The following PAPSS2 variants were observed in gnomAD, a reference collection of about 807,000 sequenced individuals.
PAPSS2 encodes the protein bifunctional 3'-phosphoadenosine 5'-phosphosulfate synthase 2.
In PAPSS2, 61 loss-of-function variants were observed where a neutral mutation model predicts 66.5. That is an observed-to-expected ratio of 0.92 (90% CI 0.75 to 1.14). The LOEUF is 1.14. Ranked by LOEUF, PAPSS2 falls within the 50% of genes most tolerant of loss-of-function variation. The pLI is 0.00. For missense variants in PAPSS2, 708 were observed against 789.6 expected, an observed-to-expected ratio of 0.90 and a Z score of 1.24; for synonymous variants, 289 against 287.5, an observed-to-expected ratio of 1.01 and a Z score of -0.05.
chr10:87,660,141 C>A, intron 1 of PAPSS2, 133 bp downstream of exon 1: 1 of 892,460 alleles, frequency 1.1e-6, no homozygotes, highest in Non-Finnish European at 1.8e-6. Context: ...GAGTGGGGCA[C>A]GGAGGGAAGC....
chr10:87,735,524 A>G (rs572093202), intron 9 of PAPSS2, among the ~76,000 whole-genome samples: 1 of 152,330 alleles, frequency 6.6e-6, no homozygotes, highest in East Asian at 1.9e-4. Context: ...AAGTAGATGT[A>G]TAGGTATGGA....
chr10:87,661,626 C>G (rs898056581), intron 1 of PAPSS2, among the ~76,000 whole-genome samples: 1 of 152,012 alleles, frequency 6.6e-6, no homozygotes, highest in Non-Finnish European at 1.5e-5. Flanking sequence ...TGCCTCCAGT[C>G]GGCAGGAGCC....
chr10:87,714,704 G>A (rs760741511), intron 4 of PAPSS2, 41 bp from the exon 5 acceptor site: 18 of 1,098,484 alleles, frequency 1.6e-5, no homozygotes, highest in Non-Finnish European at 2.1e-5. Flanking sequence ...AGATTATTCT[G>A]TCAATACAGA....
At chr10:87,716,251 A>G (rs1391638812) in intron 7 of PAPSS2, among the ~76,000 whole-genome samples, 1 of 152,166 alleles carries the variant, frequency 6.6e-6, no homozygotes, top group Non-Finnish European at 1.5e-5. Flanking sequence ...CAGGTTGCTC[A>G]TGTCAAGCAT....
intron 1 of PAPSS2, among the ~76,000 whole-genome samples, chr10:87,690,814 G>A (rs1375071321): frequency 6.6e-6 from 1 of 152,174 alleles, no homozygotes; most frequent in Non-Finnish European, 1.5e-5. Context: ...TAACAGTTCA[G>A]TAAGGCTGCA....
chr10:87,730,703 C>T (rs1264874236), intron 9 of PAPSS2, among the ~76,000 whole-genome samples: 1 of 152,156 alleles, frequency 6.6e-6, no homozygotes, highest in Non-Finnish European at 1.5e-5. Context: ...GTTTCCTTAA[C>T]AGATATGGAG....
chr10:87,713,435 G>C, intron 3 of PAPSS2, 125 bp downstream of exon 3: 1 of 663,576 alleles, frequency 1.5e-6, no homozygotes, highest in Non-Finnish European at 2.6e-6. Flanking sequence ...TCAATTTCCC[G>C]ACTATTTCTT....
intron 1 of PAPSS2, among the ~76,000 whole-genome samples, chr10:87,674,093 A>T (rs1157440250): frequency 6.6e-6 from 1 of 152,144 alleles, no homozygotes; most frequent in African/African-American, 2.4e-5. Flanking sequence ...TTCAAGACTG[A>T]TAAAGACAGA....
At chr10:87,699,423 T>C (rs1187162517) in intron 1 of PAPSS2, among the ~76,000 whole-genome samples, 1 of 152,212 alleles carries the variant, frequency 6.6e-6, no homozygotes, top group African/African-American at 2.4e-5. Context: ...GCTGGGATTA[T>C]AGGCATGAGT....
chr10:87,709,438 A>G (rs1237916568), intron 2 of PAPSS2, 125 bp downstream of exon 2: 1 of 622,780 alleles, frequency 1.6e-6, no homozygotes, highest in East Asian at 3.0e-5. Context: ...TGGGAGATGT[A>G]GTAGAAAGCC....
intron 1 of PAPSS2, among the ~76,000 whole-genome samples, chr10:87,667,203 C>T (rs1234184488): frequency 6.6e-6 from 1 of 152,156 alleles, no homozygotes; most frequent in Admixed American, 6.5e-5. Flanking sequence ...CCTGTAATCC[C>T]AGCACTTTGA....
chr10:87,742,005 G>A (rs1372175766), intron 10 of PAPSS2, among the ~76,000 whole-genome samples: 1 of 150,956 alleles, frequency 6.6e-6, no homozygotes, highest in Non-Finnish European at 1.5e-5. Flanking sequence ...CAATCTCCCC[G>A]CCTCAGCCTC....
At chr10:87,733,131 C>T (rs973419025) in intron 9 of PAPSS2, among the ~76,000 whole-genome samples, 4 of 152,184 alleles carry the variant, frequency 2.6e-5, no homozygotes, top group South Asian at 2.1e-4. Context: ...ATTACTTCTG[C>T]GGGAATCCTG....
intron 1 of PAPSS2, among the ~76,000 whole-genome samples, chr10:87,704,704 C>T (rs2131926532): frequency 6.6e-6 from 1 of 152,306 alleles, no homozygotes; most frequent in South Asian, 2.1e-4. Flanking sequence ...TGCAGTCACA[C>T]AGTCTTGGCT....
chr10:87,664,436 C>T (rs747411683), intron 1 of PAPSS2, among the ~76,000 whole-genome samples: 17 of 152,218 alleles, frequency 1.1e-4, no homozygotes, highest in Non-Finnish European at 2.2e-4. Context: ...GTGCCTTCAA[C>T]TATTCCTATG....
chr10:87,684,375 G>A (rs773077620), intron 1 of PAPSS2, among the ~76,000 whole-genome samples: 1 of 152,240 alleles, frequency 6.6e-6, no homozygotes, highest in Non-Finnish European at 1.5e-5. Flanking sequence ...GCAAAGGTAA[G>A]CTATATTTCT....
chr10:87,706,096 ATATATATATATATGTGTGTGTG>A (rs1453501030), intron 1 of PAPSS2, among the ~76,000 whole-genome samples: 4 of 86,832 alleles, frequency 4.6e-5, no homozygotes, highest in Admixed American at 1.2e-4. Context: ...ATATATATAT[ATATATATATATATGTGTGTGTG>A]TGTGTGTGTG....
chr10:87,661,859 G>T (rs928254429), intron 1 of PAPSS2, among the ~76,000 whole-genome samples: 4 of 152,150 alleles, frequency 2.6e-5, no homozygotes, highest in African/African-American at 7.2e-5. Context: ...TCTGAATTTT[G>T]ATTTAGTCTA....
intron 9 of PAPSS2, among the ~76,000 whole-genome samples, chr10:87,734,075 A>G (rs1357672894): frequency 6.6e-6 from 1 of 151,730 alleles, no homozygotes; most frequent in African/African-American, 2.4e-5. Flanking sequence ...CTCCCCCATA[A>G]TCTCCCACTC....
Sources: gnomAD v4.1 joint callset for allele counts (sites outside exome capture counted in the v4.1 genomes callset) on GRCh38, gnomAD v4.1.1 for gene constraint, MANE v1.5 for transcripts, NCBI Gene and HGNC (gene_info 2026-07-23, HGNC 2026-07-21) for gene names.